The following POLR3C variants were observed in gnomAD, a reference collection of about 807,000 sequenced individuals.
POLR3C encodes the protein RNA polymerase III subunit C.
Under a neutral mutation model 65.9 loss-of-function variants are expected in POLR3C, and 44 were observed. The observed-to-expected ratio is 0.67, with a 90% CI of 0.52 to 0.86. The LOEUF is 0.86. Among genes scored for constraint, POLR3C ranks in the 40% least tolerant of loss-of-function variants. The pLI is 0.00. For missense variants in POLR3C, 576 were observed against 653.2 expected (o/e 0.88, Z 1.29); for synonymous variants, 263 against 231.6 (o/e 1.14, Z -1.23).
rs10590228 is a variant in POLR3C, at chr1:145,843,214, ATG to A, written c.*796_*797del. Among the ~76,000 whole-genome samples, 44,225 of 151,926 alleles carry A rather than the reference ATG, an allele frequency of 0.29. 7,245 individuals are homozygous for A. Among genetic ancestry groups the A allele is most frequent in the Non-Finnish European group, 0.37 (24,886 of 67,878 alleles). On this transcript the variant is annotated 3_prime_UTR_variant, in exon 15 of 15. Transcript: ENST00000334163. ...GCTTCTAACACATCTGAAACTGTGT[ATG>A]TAGAACAGCTAGCTCAATGCCTGGC... is the stretch of plus-strand genomic sequence containing the variant.
In POLR3C at chr1:145,842,637, TAAATC is replaced by T; in HGVS notation, c.*220_*224del. 1 of 589,618 alleles carries T rather than the reference TAAATC, an allele frequency of 1.7e-6. No homozygotes were observed. Among genetic ancestry groups the T allele is most frequent in the Non-Finnish European group, 3.0e-6 (1 of 331,706 alleles). The allele number at this position is 589,618 out of a possible 1,614,324, so 36.5% of individuals were successfully genotyped here. A position where few individuals can be genotyped will look rare whatever the true frequency, so the allele number is the denominator to read the frequency against. On this transcript the variant is annotated 3_prime_UTR_variant, in exon 15 of 15. Transcript: ENST00000334163. ...CAAATCTTGGCAGTGGGAAGAACCT[TAAATC>T]AACAAGGTTAATCATCTATCAGATG...
chr1:145,841,712 ATTCT>A (rs1365987704), intron 14 of POLR3C, among the ~76,000 whole-genome samples: 1 of 151,716 alleles, frequency 6.6e-6, no homozygotes, highest in Non-Finnish European at 1.5e-5. Flanking sequence ...TTTTTTGCAG[ATTCT>A]TTGAGATTTT....
chr1:145,838,471 C>T (rs2101655213), intron 11 of POLR3C, among the ~76,000 whole-genome samples: 1 of 152,220 alleles, frequency 6.6e-6, no homozygotes, highest in South Asian at 2.1e-4. Context: ...CACTTGAGGT[C>T]AGGAGTTCGA....
intron 10 of POLR3C, 21 bp downstream of exon 10, chr1:145,837,617 G>T: frequency 6.5e-7 from 1 of 1,548,880 alleles, no homozygotes; most frequent in Non-Finnish European, 8.9e-7. Flanking sequence ...CACTGGTTGG[G>T]TTTGGGATCA....
At position 145,827,086 on chromosome 1, in the gene POLR3C, G is replaced by A. The variant is rs1046213570; in HGVS notation, c.589+81G>A. ...ATTGTCAAGTGTATGAAATGTGATT[G>A]TATTTACCAAGTATTTGCTATGTGC... On this transcript the variant is annotated intron_variant, in intron 4 of 14. Coordinates refer to ENST00000334163, the MANE Select transcript of POLR3C (RefSeq NM_006468.8). The A allele has an allele frequency of 2.1e-5, 24 of 1,125,298 alleles. No homozygotes were observed. In the Admixed American group the frequency reaches 3.1e-4, roughly 14 times the overall value. The allele number at this position is 1,125,298 out of a possible 1,614,324, so 69.7% of individuals were successfully genotyped here. A position where few individuals can be genotyped will look rare whatever the true frequency, so the allele number is the denominator to read the frequency against.
chr1:145,837,630 T>C, intron 10 of POLR3C, 34 bp downstream of exon 10: 1 of 1,335,350 alleles, frequency 7.5e-7, no homozygotes, highest in Non-Finnish European at 1.1e-6. Context: ...TGGGATCACA[T>C]ACTTCCTATC....
intron 11 of POLR3C, among the ~76,000 whole-genome samples, chr1:145,838,713 AAAG>A (rs1652058860): frequency 6.6e-6 from 1 of 151,768 alleles, no homozygotes; most frequent in South Asian, 2.1e-4. Flanking sequence ...AAAAAACAAA[AAAG>A]AGGCAGAGCC....
intron 14 of POLR3C, 83 bp downstream of exon 14, chr1:145,841,154 C>G (rs1652260757): frequency 8.5e-7 from 1 of 1,182,528 alleles, no homozygotes. Flanking sequence ...TCCAGCTTAG[C>G]ATGAGCAAAC....
chr1:145,840,280 C>T (rs1214409254), intron 13 of POLR3C, 115 bp downstream of exon 13: 25 of 717,414 alleles, frequency 3.5e-5, no homozygotes, highest in Non-Finnish European at 6.0e-5. Context: ...TGGCTCATGC[C>T]TGTAATCCCA....
Position 145,836,866 on chromosome 1 carries a change from A to C in POLR3C, c.1009A>C (p.Asn337His), listed in dbSNP as rs1553728879. Reference protein sequence around the residue: ...GDSGGGMYVINLHKALASLAT... With the variant: ...GDSGGGMYVIHLHKALASLAT... ...CAGTGGTGGAGGAATGTATGTCATC[A>C]GTATCCTTACCAGTTATTTCCTTAG... is the stretch of plus-strand genomic sequence containing the variant. The change falls in exon 9 of 15, where the codon AAC (asparagine) becomes CAC (histidine). Residue 337 changes from asparagine (N) to histidine (H), a missense_variant and splice_region_variant. Physicochemically the swap from Asn to His is moderately conservative, Grantham distance 68. Coordinates refer to ENST00000334163, the MANE Select transcript of POLR3C (RefSeq NM_006468.8). 1 of 1,553,918 alleles carries C rather than the reference A, an allele frequency of 6.4e-7. No individual in the cohort carries two copies. Among genetic ancestry groups the C allele is most frequent in the South Asian group, 1.1e-5 (1 of 89,030 alleles).
At chr1:145,831,463 G>A (rs1281791252) in intron 5 of POLR3C, among the ~76,000 whole-genome samples, 3 of 150,828 alleles carry the variant, frequency 2.0e-5, no homozygotes, top group Admixed American at 6.6e-5. Flanking sequence ...TGCAGTGAGC[G>A]GAGATTGTGC....
chr1:145,838,709 C>CA (rs1559152053), intron 11 of POLR3C, among the ~76,000 whole-genome samples: 1 of 150,344 alleles, frequency 6.7e-6, no homozygotes, highest in Non-Finnish European at 1.5e-5. Context: ...AAACAAAAAA[C>CA]AAAAAAGAGG....
chr1:145,830,348 C>A (rs1651201587), intron 5 of POLR3C, among the ~76,000 whole-genome samples: 1 of 150,482 alleles, frequency 6.6e-6, no homozygotes, highest in Non-Finnish European at 1.5e-5. Context: ...TTGTAGTAAT[C>A]CAGATGGGCC....
At chr1:145,837,812 C>G (rs1651975653) in intron 10 of POLR3C, among the ~76,000 whole-genome samples, 1 of 152,212 alleles carries the variant, frequency 6.6e-6, no homozygotes, top group South Asian at 2.1e-4. Context: ...TCCCTAAAGC[C>G]TTTGCTTACA....
intron 4 of POLR3C, 47 bp from the exon 5 acceptor site, chr1:145,828,701 TG>T: frequency 7.9e-7 from 1 of 1,260,692 alleles, no homozygotes; most frequent in Non-Finnish European, 1.2e-6. Flanking sequence ...GGTCATTTCC[TG>T]TCATCATATG....
intron 7 of POLR3C, 130 bp from the exon 8 acceptor site, chr1:145,836,364 C>T (rs1247148434): frequency 3.0e-6 from 2 of 662,310 alleles, no homozygotes; most frequent in East Asian, 2.6e-5. Flanking sequence ...AAGTGATCCA[C>T]CTGCCTCAGC....
At chr1:145,825,620 G>T (rs1650666051) in intron 1 of POLR3C, 137 bp from the exon 2 acceptor site, 1 of 522,984 alleles carries the variant, frequency 1.9e-6, no homozygotes, top group Non-Finnish European at 3.3e-6. Flanking sequence ...TTGTTTCAAA[G>T]ATATGCAAGA....
At position 145,826,973 on chromosome 1, in the gene POLR3C, A is replaced by C; in HGVS notation, c.557A>C (p.Asp186Ala). The C allele has an allele frequency of 6.2e-7, 1 of 1,611,910 alleles. No individual in the cohort carries two copies. The highest frequency in any genetic ancestry group is 8.5e-7 in the Non-Finnish European group (1 of 1,179,514). ...CCCACACTTGTCATTAATGAAAAGG[A>C]CATGTACCTGGTTCCTAAACTCAGC... ...PAPTLVINEK[D>A]MYLVPKLSLI... The change falls in exon 4 of 15, where the codon GAC becomes GCC. Residue 186 changes from aspartate to alanine, a missense_variant. Physicochemically the swap from Asp to Ala is moderately radical, Grantham distance 126 (BLOSUM62 -2). Transcript: ENST00000334163.
chr1:145,830,408 A>G (rs1299940657), intron 5 of POLR3C, among the ~76,000 whole-genome samples: 1 of 152,156 alleles, frequency 6.6e-6, no homozygotes, highest in Non-Finnish European at 1.5e-5. Context: ...AAAAGTAGAC[A>G]TCTGATAAAT....
Sources: gnomAD v4.1 joint callset for allele counts (sites outside exome capture counted in the v4.1 genomes callset) on GRCh38, gnomAD v4.1.1 for gene constraint, MANE v1.5 for transcripts, NCBI Gene and HGNC (gene_info 2026-07-23, HGNC 2026-07-21) for gene names.